CDH13: variants seen among roughly 807,000 people sequenced by gnomAD.
CDH13 encodes the protein cadherin-13.
In CDH13, 24 loss-of-function variants were observed where a neutral mutation model predicts 63.8. That is an observed-to-expected ratio of 0.38 (90% CI 0.27 to 0.53). The LOEUF (loss-of-function observed/expected upper bound fraction) is 0.53, where lower values mean the gene tolerates loss of function less well. Ranked by LOEUF, CDH13 falls within the 20% of genes least tolerant of loss-of-function variation. The pLI is 0.85. For missense variants in CDH13, 1,049 were observed against 903.1 expected, an observed-to-expected ratio of 1.16 and a Z score of -2.07; for synonymous variants, 503 against 355.3, an observed-to-expected ratio of 1.42 and a Z score of -4.67.
chr16:82,756,410 C>G (rs902604251), intron 1 of CDH13, among the ~76,000 whole-genome samples: 5 of 152,122 alleles, frequency 3.3e-5, no homozygotes, highest in African/African-American at 1.2e-4. Context: ...TCACTTACTG[C>G]AAACCAGGAA....
intron 3 of CDH13, among the ~76,000 whole-genome samples, chr16:83,098,887 A>G (rs1461381704): frequency 2.0e-5 from 3 of 152,232 alleles, no homozygotes; most frequent in African/African-American, 7.2e-5. Context: ...ATGCTGGGAA[A>G]AAAGGTTAAT....
intron 1 of CDH13, among the ~76,000 whole-genome samples, chr16:82,831,959 T>C (rs966438140): frequency 2.6e-5 from 4 of 152,228 alleles, no homozygotes; most frequent in African/African-American, 4.8e-5. Flanking sequence ...AAACTCATTA[T>C]CACATGGAAT....
chr16:83,232,209 CTTTTT>C (rs1555516431), intron 5 of CDH13, among the ~76,000 whole-genome samples: 2 of 68,852 alleles, frequency 2.9e-5, no homozygotes, highest in Non-Finnish European at 4.8e-5. Flanking sequence ...AAAGTGTTTT[CTTTTT>C]TTTTTTTTTT....
At chr16:83,167,499 C>CAAAAAAAAAAAA (rs11430454) in intron 4 of CDH13, among the ~76,000 whole-genome samples, 19 of 99,534 alleles carry the variant, frequency 1.9e-4, no homozygotes, top group African/African-American at 6.8e-4. Flanking sequence ...GACCCTTTCC[C>CAAAAAAAAAAAA]AAAAAAAAAA....
intron 6 of CDH13, among the ~76,000 whole-genome samples, chr16:83,404,467 G>A (rs2092012329): frequency 6.6e-6 from 1 of 152,192 alleles, no homozygotes; most frequent in African/African-American, 2.4e-5. Context: ...AGAATTTTAG[G>A]AAGGATTAAG....
At chr16:83,482,945 C>G (rs554862485) in intron 6 of CDH13, among the ~76,000 whole-genome samples, 1 of 152,296 alleles carries the variant, frequency 6.6e-6, no homozygotes, top group South Asian at 2.1e-4. Context: ...ATAATTGGCT[C>G]AGAACCCAGG....
chr16:83,095,626 G>C (rs2034155801), intron 3 of CDH13, among the ~76,000 whole-genome samples: 1 of 152,148 alleles, frequency 6.6e-6, no homozygotes, highest in African/African-American at 2.4e-5. Flanking sequence ...CAAAATCCTT[G>C]GCATATGGTA....
intron 11 of CDH13, among the ~76,000 whole-genome samples, chr16:83,764,679 C>T (rs753831727): frequency 2.2e-4 from 32 of 147,806 alleles, no homozygotes; most frequent in Middle Eastern, 3.4e-3. Flanking sequence ...TTCCCTGAGG[C>T]CCTTGCCACG....
At chr16:83,375,349 G>A (rs2091440993) in intron 6 of CDH13, among the ~76,000 whole-genome samples, 1 of 152,224 alleles carries the variant, frequency 6.6e-6, no homozygotes, top group African/African-American at 2.4e-5. Flanking sequence ...GTGGTTGTCT[G>A]TGTGATTCTC....
chr16:83,230,432 C>T (rs1173918285), intron 5 of CDH13, among the ~76,000 whole-genome samples: 1 of 152,160 alleles, frequency 6.6e-6, no homozygotes. Flanking sequence ...TGTGTGTTCC[C>T]TGCCTGACCA....
chr16:83,696,107 T>A (rs1905365267), intron 10 of CDH13, among the ~76,000 whole-genome samples: 1 of 151,954 alleles, frequency 6.6e-6, no homozygotes, highest in Non-Finnish European at 1.5e-5. Flanking sequence ...CCCAGGTGGT[T>A]CTCAAACTCC....
At chr16:83,415,685 T>C (rs1432620425) in intron 6 of CDH13, among the ~76,000 whole-genome samples, 1 of 152,094 alleles carries the variant, frequency 6.6e-6, no homozygotes, top group East Asian at 1.9e-4. Flanking sequence ...GCAGAAAAAG[T>C]ACTTGACAAA....
intron 1 of CDH13, among the ~76,000 whole-genome samples, chr16:82,654,661 A>G (rs11864824): frequency 0.51 from 78,013 of 151,852 alleles, 20,635 homozygotes; most frequent in African/African-American, 0.66. Context: ...GGGGGCAGAC[A>G]TCCTTAGGGG....
At chr16:82,968,715 T>C (rs1430626057) in intron 2 of CDH13, among the ~76,000 whole-genome samples, 1 of 152,184 alleles carries the variant, frequency 6.6e-6, no homozygotes, top group Non-Finnish European at 1.5e-5. Context: ...AGCCCTGGTA[T>C]AGGCTTTTGT....
chr16:83,595,993 C>T (rs141165106), intron 7 of CDH13, among the ~76,000 whole-genome samples: 2 of 152,356 alleles, frequency 1.3e-5, no homozygotes, highest in African/African-American at 4.8e-5. Flanking sequence ...TTCTTCCCGG[C>T]AGAGCAGCAC....
chr16:83,050,441 T>C (rs955486146), intron 3 of CDH13, among the ~76,000 whole-genome samples: 11 of 152,170 alleles, frequency 7.2e-5, no homozygotes, highest in African/African-American at 2.7e-4. Flanking sequence ...TGCTCTTCCG[T>C]TTGCTGTTTA....
At chr16:82,631,238 C>T (rs74971022) in intron 1 of CDH13, among the ~76,000 whole-genome samples, 1 of 152,192 alleles carries the variant, frequency 6.6e-6, no homozygotes, top group Non-Finnish European at 1.5e-5. Context: ...GTAGACGGTG[C>T]AATACGCAAT....
At chr16:83,020,175 A>G (rs1006201802) in intron 2 of CDH13, among the ~76,000 whole-genome samples, 2 of 152,202 alleles carry the variant, frequency 1.3e-5, no homozygotes, top group African/African-American at 4.8e-5. Context: ...GACGTCATGC[A>G]AATATGAATA....
At chr16:83,711,343 G>A (rs1032072914) in intron 10 of CDH13, among the ~76,000 whole-genome samples, 17 of 152,134 alleles carry the variant, frequency 1.1e-4, no homozygotes, top group Admixed American at 3.3e-4. Flanking sequence ...GCTGTGGTAG[G>A]CATAACAGAT....
Sources: allele counts gnomAD v4.1 joint callset (sites outside exome capture counted in the v4.1 genomes callset), GRCh38; gene constraint gnomAD v4.1.1; transcripts MANE v1.5; gene names NCBI Gene and HGNC (gene_info 2026-07-23, HGNC 2026-07-21).